CSMD1: variants seen among roughly 807,000 people sequenced by gnomAD.
The protein encoded by CSMD1 is CUB and sushi domain-containing protein 1.
A neutral mutation model predicts 417.5 loss-of-function variants in CSMD1; 213 were observed. The ratio of observed to expected loss-of-function variants is 0.51; its 90% CI spans 0.46 to 0.57. The LOEUF (loss-of-function observed/expected upper bound fraction) is 0.57. Among genes scored for constraint, CSMD1 ranks in the 20% least tolerant of loss-of-function variants. The pLI is 0.00. For missense variants in CSMD1, 6,923 were observed against 4,529.7 expected, an observed-to-expected ratio of 1.53 and a Z score of -15.17; for synonymous variants, 2,862 against 1,736.8, an observed-to-expected ratio of 1.65 and a Z score of -16.11.
chr8:4,356,305 C>G (rs1017548358), intron 3 of CSMD1, among the ~76,000 whole-genome samples: 1 of 149,854 alleles, frequency 6.7e-6, no homozygotes, highest in Non-Finnish European at 1.5e-5. Context: ...CTTATTATGG[C>G]TAAGTAGTAT....
chr8:2,980,531 C>A (rs1480515138), intron 54 of CSMD1, among the ~76,000 whole-genome samples: 1 of 152,094 alleles, frequency 6.6e-6, no homozygotes, highest in Non-Finnish European at 1.5e-5. Flanking sequence ...TTTGGCCCAG[C>A]CTCTCTTAAA....
chr8:4,557,495 C>A (rs1245542181), intron 2 of CSMD1, among the ~76,000 whole-genome samples: 1 of 150,840 alleles, frequency 6.6e-6, no homozygotes, highest in Non-Finnish European at 1.5e-5. Flanking sequence ...ATTTAAATGA[C>A]TGAAGAAATA....
At chr8:4,953,839 G>A (rs959276295) in intron 1 of CSMD1, among the ~76,000 whole-genome samples, 5 of 152,038 alleles carry the variant, frequency 3.3e-5, no homozygotes, top group Non-Finnish European at 7.4e-5. Context: ...AATTATCTGG[G>A]ATCCCTGTTC....
intron 3 of CSMD1, among the ~76,000 whole-genome samples, chr8:4,133,976 C>T (rs1396557237): frequency 2.6e-5 from 4 of 152,178 alleles, no homozygotes; most frequent in South Asian, 2.1e-4. Context: ...TTTTAAACTT[C>T]GGTTTTCTTA....
At chr8:3,301,296 G>T (rs551129627) in intron 25 of CSMD1, among the ~76,000 whole-genome samples, 1 of 152,110 alleles carries the variant, frequency 6.6e-6, no homozygotes, top group Non-Finnish European at 1.5e-5. Context: ...TCTACCCAGC[G>T]AAGGAACCAG....
At chr8:4,323,054 A>T (rs890411675) in intron 3 of CSMD1, among the ~76,000 whole-genome samples, 16 of 152,128 alleles carry the variant, frequency 1.1e-4, no homozygotes, top group Non-Finnish European at 1.9e-4. Context: ...GATTTTGACC[A>T]GCCTACAAAT....
chr8:2,989,637 A>G (rs892171910), intron 54 of CSMD1, among the ~76,000 whole-genome samples: 9 of 152,250 alleles, frequency 5.9e-5, no homozygotes, highest in Non-Finnish European at 1.2e-4. Flanking sequence ...CATGGTATCT[A>G]GTGGACCAGA....
chr8:4,854,246 G>C lies in CSMD1; in HGVS notation c.85+140086C>G, dbSNP rs187277246. ...TGATTTGGGTATTTGCTCTCTATAAGTCTTATGTTGAAATATAATCCCCAG... is the reference window on the plus strand; with the variant it reads ...TGATTTGGGTATTTGCTCTCTATAACTCTTATGTTGAAATATAATCCCCAG... On this transcript the variant is annotated intron_variant, in intron 1 of 69. Coordinates refer to ENST00000635120, the MANE Select transcript of CSMD1 (RefSeq NM_033225.6). Among the ~76,000 whole-genome samples, 709 of 152,296 alleles carry C rather than the reference G, an allele frequency of 4.7e-3. 6 individuals carry two copies. Among genetic ancestry groups the C allele is most frequent in the African/African-American group, 0.016 (656 of 41,576 alleles).
chr8:3,570,941 T>C (rs1226731424), intron 10 of CSMD1, among the ~76,000 whole-genome samples: 1 of 152,210 alleles, frequency 6.6e-6, no homozygotes, highest in Admixed American at 6.5e-5. Context: ...AGGAAAATAA[T>C]AGAAACTAAA....
chr8:3,882,741 A>G (rs1806288593), intron 5 of CSMD1, among the ~76,000 whole-genome samples: 2 of 152,342 alleles, frequency 1.3e-5, no homozygotes, highest in South Asian at 4.1e-4. Flanking sequence ...GGTGAATGTC[A>G]CAAACATAAC....
At chr8:4,926,231 T>A (rs1271503821) in intron 1 of CSMD1, among the ~76,000 whole-genome samples, 2 of 152,226 alleles carry the variant, frequency 1.3e-5, no homozygotes, top group African/African-American at 4.8e-5. Context: ...TACATTTATT[T>A]TTTCTTGTGG....
intron 7 of CSMD1, among the ~76,000 whole-genome samples, chr8:3,620,768 A>C (rs770262124): frequency 5.3e-5 from 8 of 152,216 alleles, no homozygotes; most frequent in Non-Finnish European, 1.0e-4. Context: ...ATGCTGAAAG[A>C]CATATGAAAA....
chr8:4,426,133 G>C (rs1323047283), intron 2 of CSMD1, among the ~76,000 whole-genome samples: 1 of 151,518 alleles, frequency 6.6e-6, no homozygotes. Flanking sequence ...CAGAGAGACT[G>C]ACATTAATTT....
At chr8:4,626,827 CAGGTTCTA>C (rs1802147007) in intron 2 of CSMD1, among the ~76,000 whole-genome samples, 1 of 152,120 alleles carries the variant, frequency 6.6e-6, no homozygotes, top group African/African-American at 2.4e-5. Flanking sequence ...GTTAATACTC[CAGGTTCTA>C]AGACATAAGC....
chr8:3,386,462 G>A (rs529810167), intron 18 of CSMD1, among the ~76,000 whole-genome samples: 10 of 152,166 alleles, frequency 6.6e-5, no homozygotes, highest in Non-Finnish European at 1.3e-4. Context: ...CTGTGGTCTC[G>A]GCCACAGTGC....
At chr8:4,886,710 G>T (rs560844678) in intron 1 of CSMD1, among the ~76,000 whole-genome samples, 4 of 151,840 alleles carry the variant, frequency 2.6e-5, no homozygotes, top group African/African-American at 9.7e-5. Context: ...ATTTCTTCTT[G>T]AGTCACTTTT....
intron 49 of CSMD1, among the ~76,000 whole-genome samples, chr8:3,069,466 A>C (rs1813179525): frequency 6.6e-6 from 1 of 151,628 alleles, no homozygotes; most frequent in Admixed American, 6.6e-5. Flanking sequence ...AAAGAAAGGG[A>C]TTACATGCCC....
intron 3 of CSMD1, among the ~76,000 whole-genome samples, chr8:4,045,093 G>C (rs967087577): frequency 2.6e-5 from 4 of 152,114 alleles, no homozygotes; most frequent in Admixed American, 1.3e-4. Context: ...CCACAGACGG[G>C]GCACAGGGAG....
chr8:4,109,117 G>C (rs1304954748), intron 3 of CSMD1, among the ~76,000 whole-genome samples: 2 of 151,990 alleles, frequency 1.3e-5, no homozygotes, highest in Non-Finnish European at 1.5e-5. Context: ...ATCATCTCTA[G>C]ATTATTTATA....
Sources: allele counts gnomAD v4.1 joint callset (sites outside exome capture counted in the v4.1 genomes callset), GRCh38; gene constraint gnomAD v4.1.1; transcripts MANE v1.5; gene names NCBI Gene and HGNC (gene_info 2026-07-23, HGNC 2026-07-21).